The following BIRC6 variants were observed in gnomAD, a reference collection of about 807,000 sequenced individuals.
BIRC6 encodes baculoviral IAP repeat containing 6.
A neutral mutation model predicts 503.3 loss-of-function variants in BIRC6; 98 were observed. The ratio of observed to expected loss-of-function variants is 0.19; its 90% CI spans 0.17 to 0.23. The LOEUF is 0.23. Ranked by LOEUF, BIRC6 falls within the 10% of genes least tolerant of loss-of-function variation. The probability of loss-of-function intolerance (pLI) is 1.00; values close to 1 mark genes in which losing one functional copy is unlikely to be tolerated. For missense variants in BIRC6, 5,360 were observed against 5,806.0 expected (o/e 0.92, Z 2.50); for synonymous variants, 2,240 against 2,078.7 (o/e 1.08, Z -2.11).
chr2:32,371,224 A>G (rs1033063442), intron 1 of BIRC6, among the ~76,000 whole-genome samples: 2 of 150,010 alleles, frequency 1.3e-5, no homozygotes, highest in African/African-American at 5.0e-5. Context: ...TCAAAAAAAA[A>G]AAAAAAAAAA....
chr2:32,384,205 C>G (rs779874741), intron 3 of BIRC6, among the ~76,000 whole-genome samples: 1 of 152,104 alleles, frequency 6.6e-6, no homozygotes, highest in African/African-American at 2.4e-5. Flanking sequence ...GAAACTGTAT[C>G]ATACATTTTT....
intron 32 of BIRC6, 24 bp from the exon 33 acceptor site, chr2:32,473,088 A>G: frequency 6.5e-7 from 1 of 1,538,108 alleles, no homozygotes; most frequent in South Asian, 1.2e-5. Context: ...AGAATTATTA[A>G]TACAAGTTTT....
chr2:32,540,818 A>G (rs1187201744), intron 61 of BIRC6, among the ~76,000 whole-genome samples: 4 of 151,982 alleles, frequency 2.6e-5, no homozygotes, highest in African/African-American at 9.7e-5. Context: ...TGTGTGTATT[A>G]GTCTTAATGT....
At chr2:32,379,392 A>C (rs1573781497) in intron 2 of BIRC6, 1 of 152,370 alleles carries the variant, frequency 6.6e-6, no homozygotes, top group South Asian at 2.1e-4. Flanking sequence ...ACAATTAAAG[A>C]ATTACAATAA....
Position 32,442,148 on chromosome 2 carries a change from A to G in BIRC6, c.4028A>G (p.Gln1343Arg). Residue 1343 changes from glutamine to arginine, a missense_variant, in exon 18 of 74, where the codon CAG becomes CGG. Physicochemically the swap from Gln to Arg is conservative, Grantham distance 43. Transcript: ENST00000421745. Reference sequence around the variant, plus strand: ...CTTTGCAGAAAAACAGATGATGGCCAGATCACAGAACATGCCCAGAGCCTT... The same window carrying G: ...CTTTGCAGAAAAACAGATGATGGCCGGATCACAGAACATGCCCAGAGCCTT... ...NTLCRKTDDG[Q>R]ITEHAQSLVL... is the part of the protein sequence containing the mutation. The G allele has an allele frequency of 6.2e-7, 1 of 1,610,582 alleles. No individual in the cohort carries two copies. The highest frequency in any genetic ancestry group is 1.1e-5 in the South Asian group (1 of 90,098).
chr2:32,530,356 A>T (rs2056631799), intron 60 of BIRC6, among the ~76,000 whole-genome samples: 1 of 151,812 alleles, frequency 6.6e-6, no homozygotes, highest in South Asian at 2.1e-4. Flanking sequence ...GATTACTGGC[A>T]CCCACCACCA....
At chr2:32,498,143 C>T (rs769619070) in intron 45 of BIRC6, among the ~76,000 whole-genome samples, 1 of 152,184 alleles carries the variant, frequency 6.6e-6, no homozygotes, top group Non-Finnish European at 1.5e-5. Flanking sequence ...CTCTCTGCAA[C>T]CTCCGCCTTC....
At chr2:32,504,819 T>C (rs1179631859) in intron 49 of BIRC6, among the ~76,000 whole-genome samples, 186 bp from the exon 50 acceptor site, 2 of 152,214 alleles carry the variant, frequency 1.3e-5, no homozygotes, top group African/African-American at 4.8e-5. Context: ...CCTTGCCAGT[T>C]GACAGGATTT....
Position 32,603,094 on chromosome 2 carries a change from T to C in BIRC6, c.14070+11T>C. ...TCAAGCTTTTTGCAAGTAAACAAAATTTCTCTGACATTTTCACTTAAGAAA... is the reference window on the plus strand; with the variant it reads ...TCAAGCTTTTTGCAAGTAAACAAAACTTCTCTGACATTTTCACTTAAGAAA... On this transcript the variant is annotated intron_variant, in intron 71 of 73. Coordinates refer to ENST00000421745, the MANE Select transcript of BIRC6 (RefSeq NM_016252.4). 2 of 1,602,994 alleles carry C rather than the reference T, an allele frequency of 1.2e-6. No individual in the cohort carries two copies. The highest frequency in any genetic ancestry group is 1.7e-6 in the Non-Finnish European group (2 of 1,175,190).
At chr2:32,404,882 G>A (rs904416028) in intron 8 of BIRC6, among the ~76,000 whole-genome samples, 1 of 151,738 alleles carries the variant, frequency 6.6e-6, no homozygotes, top group African/African-American at 2.4e-5. Flanking sequence ...GGCTGGTCTC[G>A]AATTCCTGGG....
At chr2:32,529,936 A>C in intron 60 of BIRC6, 112 bp downstream of exon 60, 1 of 669,760 alleles carries the variant, frequency 1.5e-6, no homozygotes. Context: ...CATAAGATAT[A>C]ATTTTTTTAT....
At chr2:32,383,319 A>T (rs1442263604) in intron 3 of BIRC6, among the ~76,000 whole-genome samples, 31 of 152,218 alleles carry the variant, frequency 2.0e-4, no homozygotes, top group Non-Finnish European at 2.5e-4. Flanking sequence ...GTGGGATTCC[A>T]GGCGTGAGCC....
intron 66 of BIRC6, chr2:32,590,967 A>T: frequency 2.0e-6 from 2 of 985,792 alleles, no homozygotes; most frequent in Non-Finnish European, 2.4e-6. Context: ...AGACTTCAGG[A>T]TGTGAGCTAA....
chr2:32,491,481 G>T lies in BIRC6; in HGVS notation c.8263G>T (p.Asp2755Tyr). ...GAGTACTGCTCATTTGTTGGTTTCAGATCCAAACCTAATTCATGTATTAGT... is the reference window on the plus strand; with the variant it reads ...GAGTACTGCTCATTTGTTGGTTTCATATCCAAACCTAATTCATGTATTAGT... ...QESTAHLLVS[D>Y]PNLIHVLVKF... The change falls in exon 44 of 74, where the codon GAT becomes TAT. Residue 2755 changes from aspartate to tyrosine, a missense_variant. Asp to Tyr is a radical substitution (Grantham distance 160). This residue lies in a region of BIRC6 where 2,299 missense variants were observed against 2,267.2 expected (regional missense o/e 1.01). Coordinates refer to ENST00000421745, the MANE Select transcript of BIRC6 (RefSeq NM_016252.4). 1 of 1,613,548 alleles carries T rather than the reference G, an allele frequency of 6.2e-7. No homozygotes were observed. The highest frequency in any genetic ancestry group is 8.5e-7 in the Non-Finnish European group (1 of 1,179,634).
At chr2:32,406,418 A>G in intron 8 of BIRC6, 81 bp from the exon 9 acceptor site, 1 of 1,077,058 alleles carries the variant, frequency 9.3e-7, no homozygotes, top group South Asian at 1.4e-5. Context: ...CACAAAACCA[A>G]CTGTTCTTTT....
At chr2:32,550,938 TG>T (rs1386835932) in intron 65 of BIRC6, among the ~76,000 whole-genome samples, 1 of 152,186 alleles carries the variant, frequency 6.6e-6, no homozygotes, top group Non-Finnish European at 1.5e-5. Context: ...CTTTCTTTTA[TG>T]ATGTATTATT....
rs375773650 is a variant in BIRC6, at chr2:32,477,595, A to C, written c.7068+12A>C. On this transcript the variant is annotated intron_variant, in intron 35 of 73. Transcript: ENST00000421745. Reference sequence around the variant, plus strand: ...TGTTTGTTTGTAAGGTATGTAAACTATAAGTGTAGACTTACAGGGTTGGCC... The same window carrying C: ...TGTTTGTTTGTAAGGTATGTAAACTCTAAGTGTAGACTTACAGGGTTGGCC... The C allele has an allele frequency of 6.2e-7, 1 of 1,608,140 alleles. No individual in the cohort carries two copies. The highest frequency in any genetic ancestry group is 8.5e-7 in the Non-Finnish European group (1 of 1,175,438).
Position 32,510,649 on chromosome 2 carries a change from T to C in BIRC6, c.10346+15T>C. On this transcript the variant is annotated intron_variant, in intron 53 of 73. Transcript: ENST00000421745. ...ACAAAAGACAGGTACGATTTTATTT[T>C]TCATTTAATTAAGCACACACATGCA... The C allele has an allele frequency of 6.7e-7, 1 of 1,494,778 alleles. No homozygotes were observed. The highest frequency in any genetic ancestry group is 9.3e-7 in the Non-Finnish European group (1 of 1,074,206). The allele number at this position is 1,494,778 out of a possible 1,614,324, so 92.6% of individuals were successfully genotyped here. A position where few individuals can be genotyped will look rare whatever the true frequency, so the allele number is the denominator to read the frequency against.
intron 9 of BIRC6, 30 bp downstream of exon 9, chr2:32,406,587 A>T (rs1486328182): frequency 6.6e-7 from 1 of 1,515,110 alleles, no homozygotes; most frequent in East Asian, 2.3e-5. Context: ...TAATGTATTT[A>T]AAAAATTCTT....
Sources: gnomAD v4.1 joint callset for allele counts (sites outside exome capture counted in the v4.1 genomes callset) on GRCh38, gnomAD v4.1.1 for gene constraint, gnomAD v4.1.1 regional missense constraint, MANE v1.5 for transcripts, NCBI Gene and HGNC (gene_info 2026-07-23, HGNC 2026-07-21) for gene names.